HDHD2: variants seen among roughly 807,000 people sequenced by gnomAD.
HDHD2 encodes the protein haloacid dehalogenase like hydrolase domain containing 2, also known as haloacid dehalogenase-like hydrolase domain-containing protein 2.
In HDHD2, 26 loss-of-function variants were observed where a neutral mutation model predicts 24.8. The observed-to-expected ratio is 1.05, with a 90% CI of 0.77 to 1.45. The LOEUF is 1.45. Ranked by LOEUF, HDHD2 falls within the 40% of genes most tolerant of loss-of-function variation. HDHD2 has a pLI of 0.00. For synonymous variants in HDHD2, 128 were observed against 114.9 expected (o/e 1.11, Z -0.73); for missense variants, 299 against 313.4 (o/e 0.95, Z 0.35).
In HDHD2 at chr18:47,118,537, G is replaced by A. The variant is rs149572227; in HGVS notation, c.396-3189C>T. 1.0e-3 allele frequency among the ~76,000 whole-genome samples: 159 copies of A among 152,238 alleles called. 1 individual carries two copies. Among genetic ancestry groups the A allele is most frequent in the African/African-American group, 3.8e-3 (157 of 41,556 alleles). ...ATAAGTGGGAGCCGAGCAATGAGAA[G>A]ACATGGACACAGGGAGGAGAACAAC... is the stretch of plus-strand genomic sequence containing the variant. On this transcript the variant is annotated intron_variant, in intron 4 of 6. Transcript: ENST00000300605.
At chr18:47,129,347 T>C (rs968909013) in intron 4 of HDHD2, among the ~76,000 whole-genome samples, 1 of 152,054 alleles carries the variant, frequency 6.6e-6, no homozygotes, top group Non-Finnish European at 1.5e-5. Flanking sequence ...ATTTATAATA[T>C]CTTATATACT....
Position 47,110,292 on chromosome 18 carries a change from A to G in HDHD2, c.677-1507T>C, listed in dbSNP as rs1008994069. 7 of 985,292 alleles carry G rather than the reference A, an allele frequency of 7.1e-6. No individual in the cohort carries two copies. The East Asian group carries it at 7.9e-4, about 112-fold the overall frequency. The allele number at this position is 985,292 out of a possible 1,614,324, so 61.0% of individuals were successfully genotyped here. ...TCTTACAGGAAGGGAGCCAGCATCA[A>G]ATGTACAAAGGTAATTAATATATAC... On this transcript the variant is annotated intron_variant, in intron 6 of 6. Transcript: ENST00000300605.
Position 47,145,324 on chromosome 18 carries a change from C to G in HDHD2, c.-11+5054G>C, listed in dbSNP as rs556821202. On this transcript the variant is annotated intron_variant, in intron 1 of 6. Transcript: ENST00000300605. ...TATAGCCAAGACACTTCGGCCAAGA[C>G]CAAAGAAGAACAAGAAAGTAGGCGT... Among the ~76,000 whole-genome samples, 3 of 152,298 alleles carry G rather than the reference C, an allele frequency of 2.0e-5. No individual in the cohort carries two copies. The East Asian group carries it at 5.8e-4, about 29-fold the overall frequency.
Position 47,116,883 on chromosome 18 carries a change from G to A in HDHD2, c.396-1535C>T, listed in dbSNP as rs908169560. ...GTTAATATTTTATCATATATTAACT[G>A]GGGATAAGACTTATCAGCTTGATTG... On this transcript the variant is annotated intron_variant, in intron 4 of 6. Coordinates refer to ENST00000300605, the MANE Select transcript of HDHD2 (RefSeq NM_032124.5). 3.8e-4 allele frequency among the ~76,000 whole-genome samples: 58 copies of A among 152,164 alleles called. 2 individuals are homozygous for A. The highest frequency in any genetic ancestry group is 6.5e-5 in the Admixed American group (1 of 15,276).
At chr18:47,123,573 G>A (rs143664185) in intron 4 of HDHD2, among the ~76,000 whole-genome samples, 1,769 of 152,174 alleles carry the variant, frequency 0.012, 20 homozygotes, top group Non-Finnish European at 0.019. Context: ...GGCAACAAGG[G>A]TGAAATTCTG....
intron 6 of HDHD2, chr18:47,111,870 T>C (rs972776470): frequency 9.4e-6 from 8 of 853,466 alleles, no homozygotes; most frequent in African/African-American, 1.8e-5. Flanking sequence ...AATTCCCCAG[T>C]TGTAACTCTT....
At position 47,130,283 on chromosome 18, in the gene HDHD2, G is replaced by A; in HGVS notation, c.356C>T (p.Pro119Leu). 1 of 1,608,094 alleles carries A rather than the reference G, an allele frequency of 6.2e-7. No individual in the cohort carries two copies. The highest frequency in any genetic ancestry group is 1.1e-5 in the South Asian group (1 of 90,176). ...DPNAVVMGLA[P>L]EHFHYQILNQ... ...CAGAATTTGATAATGAAAATGTTCT[G>A]GTGCCAATCCCATGACCACAGCATT... Residue 119 changes from proline to leucine, a missense_variant, in exon 4 of 7, where the codon CCA becomes CTA. Physicochemically the swap from Pro to Leu is moderately conservative, Grantham distance 98. Coordinates refer to ENST00000300605, the MANE Select transcript of HDHD2 (RefSeq NM_032124.5).
At position 47,107,940 on chromosome 18, in the gene HDHD2, A is replaced by G. The variant is rs2063487267; in HGVS notation, c.*742T>C. The G allele has an allele frequency of 6.5e-6, 1 of 152,678 alleles. No individual in the cohort carries two copies. The highest frequency in any genetic ancestry group is 6.5e-5 in the Admixed American group (1 of 15,290). The allele number at this position is 152,678 out of a possible 1,614,324, so 9.5% of individuals were successfully genotyped here. ...AATGTCTAATTAAAACATCTGTAAA[A>G]TACTGATAGTTTTAATTTTACATAA... is the stretch of plus-strand genomic sequence containing the variant. On this transcript the variant is annotated 3_prime_UTR_variant, in exon 7 of 7. Transcript: ENST00000300605.
intron 6 of HDHD2, chr18:47,111,361 A>G (rs1358200412): frequency 2.1e-6 from 2 of 975,356 alleles, no homozygotes; most frequent in African/African-American, 1.8e-5. Flanking sequence ...CCTTAATTAC[A>G]TGAGCTAAAA....
chr18:47,118,806 CAGATGAGATCATCTG>C lies in HDHD2; in HGVS notation c.396-3473_396-3459del, dbSNP rs571719301. 2.1e-3 allele frequency among the ~76,000 whole-genome samples: 321 copies of C among 152,328 alleles called. 1 individual carries two copies. The highest frequency in any genetic ancestry group is 7.5e-3 in the African/African-American group (312 of 41,566). ...ATCAAGTCCAACATGCCCCATTTTA[CAGATGAGATCATCTG>C]AGATGCTGGCACCAATCAAGGAGAG... On this transcript the variant is annotated intron_variant, in intron 4 of 6. Coordinates refer to ENST00000300605, the MANE Select transcript of HDHD2 (RefSeq NM_032124.5).
In HDHD2 at chr18:47,108,751, A is replaced by G; in HGVS notation, c.711T>C (p.Asn237=). The G allele has an allele frequency of 1.9e-6, 3 of 1,611,238 alleles. No individual in the cohort carries two copies. The highest frequency in any genetic ancestry group is 2.5e-6 in the Non-Finnish European group (3 of 1,177,834). ...KYRASDEEKI[N]PPPYLTCESF... is the part of the protein sequence containing the mutation. ...TCTCACAAGTTAAGTAAGGAGGTGG[A>G]TTAATTTTTTCTTCATCTGATGCTC... Residue 237 remains asparagine (N), a synonymous_variant, in exon 7 of 7, where the codon AAT becomes AAC. Coordinates refer to ENST00000300605, the MANE Select transcript of HDHD2 (RefSeq NM_032124.5).
intron 1 of HDHD2, 99 bp from the exon 2 acceptor site, chr18:47,136,548 C>T: frequency 1.0e-6 from 1 of 962,522 alleles, no homozygotes; most frequent in Non-Finnish European, 1.5e-6. Context: ...CCAGAAAGAT[C>T]CTGCTTAGTG....
At chr18:47,140,256 C>A (rs960571845) in intron 1 of HDHD2, among the ~76,000 whole-genome samples, 1 of 152,180 alleles carries the variant, frequency 6.6e-6, no homozygotes, top group Non-Finnish European at 1.5e-5. Context: ...ACTAGAACTA[C>A]ATTTAATCTA....
chr18:47,138,171 C>CAAA (rs58644217), intron 1 of HDHD2, among the ~76,000 whole-genome samples: 5 of 54,888 alleles, frequency 9.1e-5, no homozygotes, highest in African/African-American at 1.6e-4. Flanking sequence ...GATTCTGTCG[C>CAAA]AAAAAAAAAA....
At chr18:47,129,765 G>A (rs576484825) in intron 4 of HDHD2, among the ~76,000 whole-genome samples, 3 of 152,244 alleles carry the variant, frequency 2.0e-5, no homozygotes, top group East Asian at 1.9e-4. Context: ...AGAATCATAG[G>A]AGTAATAATA....
At chr18:47,135,949 C>T (rs377185069) in intron 2 of HDHD2, among the ~76,000 whole-genome samples, 5 of 152,256 alleles carry the variant, frequency 3.3e-5, no homozygotes, top group African/African-American at 1.2e-4. Flanking sequence ...GATGTTAGAT[C>T]CTAGGTAAAA....
chr18:47,114,563 G>A (rs1568043557), intron 5 of HDHD2, among the ~76,000 whole-genome samples: 1 of 152,184 alleles, frequency 6.6e-6, no homozygotes, highest in South Asian at 2.1e-4. Context: ...TAGTACACTG[G>A]GGTAAACTGA....
chr18:47,125,309 T>A (rs546225714), intron 4 of HDHD2, among the ~76,000 whole-genome samples: 58 of 152,318 alleles, frequency 3.8e-4, no homozygotes, highest in African/African-American at 1.3e-3. Context: ...CTTGGTACAA[T>A]CACTTTGGAA....
At chr18:47,149,103 G>A (rs1272124753) in intron 1 of HDHD2, 1 of 152,204 alleles carries the variant, frequency 6.6e-6, no homozygotes, top group Non-Finnish European at 1.5e-5. Context: ...TTATGTATGT[G>A]GAGGGCTGGG....
Sources: gnomAD v4.1 joint callset for allele counts (sites outside exome capture counted in the v4.1 genomes callset) on GRCh38, gnomAD v4.1.1 for gene constraint, MANE v1.5 for transcripts, NCBI Gene and HGNC (gene_info 2026-07-23, HGNC 2026-07-21) for gene names.